COL4A3: variants seen among roughly 807,000 people sequenced by gnomAD.
COL4A3 encodes collagen alpha-3(IV) chain.
Under a neutral mutation model 217.4 loss-of-function variants are expected in COL4A3, and 135 were observed. That is an observed-to-expected ratio of 0.62 (90% CI 0.54 to 0.72). The LOEUF (loss-of-function observed/expected upper bound fraction) is 0.72, where lower values mean the gene tolerates loss of function less well. Among genes scored for constraint, COL4A3 ranks in the 30% least tolerant of loss-of-function variants. The probability of loss-of-function intolerance (pLI) is 0.00; values close to 1 mark genes in which losing one functional copy is unlikely to be tolerated. For synonymous variants in COL4A3, 690 were observed against 736.3 expected (o/e 0.94, Z 1.02); for missense variants, 1,868 against 2,119.9 (o/e 0.88, Z 2.33).
chr2:227,294,719 T>C, intron 39 of COL4A3, 149 bp downstream of exon 39: 1 of 701,984 alleles, frequency 1.4e-6, no homozygotes. Flanking sequence ...TGGGGTTAGA[T>C]ATTTCTATCT....
intron 1 of COL4A3, among the ~76,000 whole-genome samples, chr2:227,178,543 TA>T (rs941756176): frequency 5.9e-5 from 9 of 152,018 alleles, no homozygotes; most frequent in South Asian, 2.1e-4. Flanking sequence ...TATTTTATTT[TA>T]TTTTTTTTGA....
chr2:227,273,390 C>T (rs1176851776), intron 26 of COL4A3, among the ~76,000 whole-genome samples: 6 of 151,806 alleles, frequency 4.0e-5, no homozygotes, highest in Non-Finnish European at 2.9e-5. Context: ...AGATCCTAAG[C>T]GTTATTGCAA....
intron 1 of COL4A3, among the ~76,000 whole-genome samples, chr2:227,213,982 A>G (rs963598730): frequency 2.0e-5 from 3 of 152,080 alleles, no homozygotes; most frequent in Non-Finnish European, 4.4e-5. Context: ...ATTACAATGC[A>G]TATTAGGAAT....
At chr2:227,265,247 T>C (rs779770868) in intron 21 of COL4A3, 4 of 152,340 alleles carry the variant, frequency 2.6e-5, no homozygotes, top group Non-Finnish European at 4.4e-5. Flanking sequence ...CACTAAGTAT[T>C]AAACTTTTAT....
intron 1 of COL4A3, among the ~76,000 whole-genome samples, chr2:227,207,231 T>C (rs560654499): frequency 1.3e-5 from 2 of 152,160 alleles, no homozygotes; most frequent in East Asian, 3.9e-4. Flanking sequence ...AGAAAAAGAG[T>C]TCTAGGAAAA....
intron 17 of COL4A3, among the ~76,000 whole-genome samples, chr2:227,257,055 T>C (rs2070226639): frequency 6.6e-6 from 1 of 152,216 alleles, no homozygotes; most frequent in South Asian, 2.1e-4. Flanking sequence ...AGAAAATATG[T>C]AGTAAAAATG....
intron 35 of COL4A3, among the ~76,000 whole-genome samples, chr2:227,289,731 C>G (rs749619073): frequency 6.6e-6 from 1 of 152,148 alleles, no homozygotes; most frequent in Non-Finnish European, 1.5e-5. Context: ...TTTGCAGGAG[C>G]CCACTTTTTT....
intron 1 of COL4A3, among the ~76,000 whole-genome samples, chr2:227,184,627 G>A (rs6747165): frequency 0.14 from 20,578 of 151,982 alleles, 1,491 homozygotes; most frequent in Admixed American, 0.17. Context: ...TGGGGATCAC[G>A]TTTCCTTTTC....
At position 227,282,275 on chromosome 2, in the gene COL4A3, A is replaced by ATATATATATACATAT. The variant is rs1559896717; in HGVS notation, c.2489-90_2489-89insTATATATATACATAT. On this transcript the variant is annotated intron_variant, in intron 31 of 51. Coordinates refer to ENST00000396578, the MANE Select transcript of COL4A3 (RefSeq NM_000091.5). This position sits in a 1 kb window ranked among gnomAD's most constrained non-coding sequence, Gnocchi z 4.4. Reference sequence around the variant, plus strand: ...AGACAGAGGGAGATTCCATCTTAAAAATATATATATATATATATATATATA... The same window carrying ATATATATATACATAT: ...AGACAGAGGGAGATTCCATCTTAAAATATATATATACATATATATATATATATATATATATATATA... The ATATATATATACATAT allele has an allele frequency of 2.3e-3, 813 of 354,498 alleles. 18 individuals are homozygous for ATATATATATACATAT. Among genetic ancestry groups the ATATATATATACATAT allele is most frequent in the African/African-American group, 0.019 (744 of 40,010 alleles). The allele number at this position is 354,498 out of a possible 1,614,324, so 22.0% of individuals were successfully genotyped here.
At chr2:227,237,367 T>C (rs78256177) in intron 1 of COL4A3, among the ~76,000 whole-genome samples, 15,222 of 152,208 alleles carry the variant, frequency 0.1, 892 homozygotes, top group East Asian at 0.28. Flanking sequence ...TACACAAATA[T>C]ATATAAGGTT....
At position 227,298,666 on chromosome 2, in the gene COL4A3, CTT is replaced by C; in HGVS notation, c.3752-13_3752-12del. ...CTCCCTGGCTGGCAATACTGACAGACTTTTCATGAATTCAGGTGCGCCTGGTC... is the reference window on the plus strand; with the variant it reads ...CTCCCTGGCTGGCAATACTGACAGACTTCATGAATTCAGGTGCGCCTGGTC... On this transcript the variant is annotated splice_polypyrimidine_tract_variant and intron_variant, in intron 42 of 51. Transcript: ENST00000396578. 1.9e-6 allele frequency: 3 copies of C among 1,613,574 alleles called. No homozygotes were observed. The highest frequency in any genetic ancestry group is 1.7e-6 in the Non-Finnish European group (2 of 1,179,738).
At position 227,211,676 on chromosome 2, in the gene COL4A3, G is replaced by T. The variant is rs565440880; in HGVS notation, c.88-26292G>T. On this transcript the variant is annotated intron_variant, in intron 1 of 51. Transcript: ENST00000396578. ...TTATTTATTTATTTATTTATTTATT[G>T]AGACAGAGTCTTGCTCTGTTGCCCA... 5.6e-3 allele frequency among the ~76,000 whole-genome samples: 637 copies of T among 114,128 alleles called. 7 individuals carry two copies. Among genetic ancestry groups the T allele is most frequent in the African/African-American group, 0.022 (615 of 27,824 alleles). 74.9% of individuals were successfully genotyped at this position (114,128 alleles called of 152,430 possible).
intron 1 of COL4A3, among the ~76,000 whole-genome samples, chr2:227,202,870 T>TGTATATATAC: frequency 3.7e-5 from 2 of 53,744 alleles, no homozygotes; most frequent in South Asian, 7.0e-4. Flanking sequence ...TACATATATG[T>TGTATATATAC]GTATATATAC....
chr2:227,173,229 C>T (rs111941627), intron 1 of COL4A3, among the ~76,000 whole-genome samples: 1 of 152,214 alleles, frequency 6.6e-6, no homozygotes, highest in Admixed American at 6.5e-5. Context: ...AATAAAAATT[C>T]TCAGTGTTAG....
At chr2:227,167,801 G>GAA (rs200273460) in intron 1 of COL4A3, among the ~76,000 whole-genome samples, 1 of 148,924 alleles carries the variant, frequency 6.7e-6, no homozygotes, top group Non-Finnish European at 1.5e-5. Context: ...CTACCTTTAG[G>GAA]AAAAAAAAAA....
chr2:227,258,794 A>T (rs757589626), intron 18 of COL4A3, among the ~76,000 whole-genome samples: 11 of 152,224 alleles, frequency 7.2e-5, no homozygotes, highest in East Asian at 1.9e-4. Context: ...GTTGCCAGGA[A>T]GATTAAATAA....
In COL4A3 at chr2:227,240,139, A is replaced by T; in HGVS notation, c.145-4A>T. 6.2e-7 allele frequency: 1 copy of T among 1,603,996 alleles called. No homozygotes were observed. The highest frequency in any genetic ancestry group is 8.5e-7 in the Non-Finnish European group (1 of 1,175,218). ...TGTTTCTCACCTCGTTTTGGTTTTAACAGGGGGAGAAGGGCTTTCCTGGAC... is the reference window on the plus strand; with the variant it reads ...TGTTTCTCACCTCGTTTTGGTTTTATCAGGGGGAGAAGGGCTTTCCTGGAC... On this transcript the variant is annotated splice_region_variant and splice_polypyrimidine_tract_variant and intron_variant, in intron 2 of 51. Transcript: ENST00000396578.
At chr2:227,277,413 C>A (rs2071644541) in intron 27 of COL4A3, 36 bp from the exon 28 acceptor site, 1 of 1,251,788 alleles carries the variant, frequency 8.0e-7, no homozygotes, top group Non-Finnish European at 1.2e-6. Context: ...AGGAAAGTTG[C>A]TGATGTGGAG....
At chr2:227,285,345 A>G (rs1574790541) in intron 34 of COL4A3, among the ~76,000 whole-genome samples, 1 of 150,968 alleles carries the variant, frequency 6.6e-6, no homozygotes, top group Non-Finnish European at 1.5e-5. Context: ...AAGGCTGACT[A>G]ACTGGCAAGT....
Sources: allele counts gnomAD v4.1 joint callset (sites outside exome capture counted in the v4.1 genomes callset), GRCh38; gene constraint gnomAD v4.1.1; non-coding constraint Gnocchi (gnomAD v3.1); transcripts MANE v1.5; gene names NCBI Gene and HGNC (gene_info 2026-07-23, HGNC 2026-07-21).